IFT74: variants seen among roughly 807,000 people sequenced by gnomAD.
IFT74 encodes the protein intraflagellar transport protein 74 homolog.
IFT74 carries 92 observed loss-of-function variants against 96.7 expected under a neutral mutation model. The ratio of observed to expected loss-of-function variants is 0.95; its 90% CI spans 0.80 to 1.13. The LOEUF is 1.13. Ranked by LOEUF, IFT74 falls within the 50% of genes most tolerant of loss-of-function variation. The pLI is 0.00. For missense variants in IFT74, 811 were observed against 698.2 expected (o/e 1.16, Z -1.82); for synonymous variants, 223 against 213.2 (o/e 1.05, Z -0.40).
intron 2 of IFT74, among the ~76,000 whole-genome samples, chr9:26,964,876 TATAAG>T (rs1178272059): frequency 6.6e-6 from 1 of 152,190 alleles, no homozygotes; most frequent in African/African-American, 2.4e-5. Flanking sequence ...AAGAGCTTAA[TATAAG>T]AGAGTGTGTC....
At chr9:27,043,019 C>G (rs1481671430) in intron 13 of IFT74, among the ~76,000 whole-genome samples, 1 of 152,182 alleles carries the variant, frequency 6.6e-6, no homozygotes, top group East Asian at 1.9e-4. Flanking sequence ...CCTCTGGCCT[C>G]CTCTTCACAG....
intron 16 of IFT74, among the ~76,000 whole-genome samples, chr9:27,051,971 T>C (rs1564004259): frequency 6.6e-6 from 1 of 152,220 alleles, no homozygotes; most frequent in African/African-American, 2.4e-5. Context: ...AATAATTTTA[T>C]AGTTTTATTT....
chr9:27,033,832 T>C (rs1368046356), intron 13 of IFT74, among the ~76,000 whole-genome samples: 1 of 152,198 alleles, frequency 6.6e-6, no homozygotes, highest in Non-Finnish European at 1.5e-5. Context: ...GGTTTGCAAA[T>C]TTCTTCCCAG....
intron 12 of IFT74, among the ~76,000 whole-genome samples, chr9:27,024,556 C>T (rs1044894720): frequency 1.3e-5 from 2 of 152,002 alleles, no homozygotes; most frequent in Non-Finnish European, 2.9e-5. Flanking sequence ...CATAGTCTAC[C>T]CAAATGAGAA....
intron 8 of IFT74, among the ~76,000 whole-genome samples, 161 bp downstream of exon 8, chr9:26,990,356 T>A (rs565573771): frequency 2.2e-4 from 34 of 152,362 alleles, no homozygotes; most frequent in Non-Finnish European, 2.8e-4. Flanking sequence ...ATACTTGTTA[T>A]CTTCATTTAC....
chr9:26,996,602 A>G (rs1828172918), intron 8 of IFT74: 2 of 723,396 alleles, frequency 2.8e-6, no homozygotes, highest in Non-Finnish European at 2.0e-6. Flanking sequence ...GTCATTCTTA[A>G]AGGCATTATA....
At chr9:27,000,062 G>C (rs1828395276) in intron 8 of IFT74, among the ~76,000 whole-genome samples, 1 of 152,038 alleles carries the variant, frequency 6.6e-6, no homozygotes, top group South Asian at 2.1e-4. Context: ...TTATAGATAT[G>C]AGCCACTTAC....
intron 2 of IFT74, among the ~76,000 whole-genome samples, chr9:26,965,546 A>G (rs1826572219): frequency 6.6e-6 from 1 of 152,122 alleles, no homozygotes; most frequent in African/African-American, 2.4e-5. Context: ...CTTTTATTCC[A>G]GTAAAAATTG....
At chr9:26,973,538 T>G (rs1047054430) in intron 2 of IFT74, among the ~76,000 whole-genome samples, 2 of 152,184 alleles carry the variant, frequency 1.3e-5, no homozygotes, top group African/African-American at 4.8e-5. Flanking sequence ...TCCACAGTGG[T>G]GAGTAGATTT....
At chr9:26,986,823 G>GTGT (rs1563952286) in intron 6 of IFT74, among the ~76,000 whole-genome samples, 2 of 151,150 alleles carry the variant, frequency 1.3e-5, no homozygotes, top group South Asian at 2.1e-4. Context: ...GGGACTTGCT[G>GTGT]TGTTGCCCAC....
intron 8 of IFT74, among the ~76,000 whole-genome samples, chr9:26,991,975 G>A (rs1043674760): frequency 2.0e-5 from 3 of 151,986 alleles, no homozygotes; most frequent in Admixed American, 2.0e-4. Flanking sequence ...GTTGCAGTTA[G>A]CTGAGGTCGC....
intron 2 of IFT74, among the ~76,000 whole-genome samples, chr9:26,973,368 A>C: frequency 6.6e-6 from 1 of 152,082 alleles, no homozygotes; most frequent in Non-Finnish European, 1.5e-5. Flanking sequence ...TGAGACTCTC[A>C]ATTACAGGCT....
intron 4 of IFT74, among the ~76,000 whole-genome samples, chr9:26,981,710 G>A (rs766652560): frequency 6.6e-5 from 10 of 151,630 alleles, no homozygotes; most frequent in Middle Eastern, 3.2e-3. Context: ...ATGAGCCACC[G>A]CGCCCAACCC....
At chr9:27,039,031 A>G (rs1022442358) in intron 13 of IFT74, among the ~76,000 whole-genome samples, 1 of 152,224 alleles carries the variant, frequency 6.6e-6, no homozygotes, top group African/African-American at 2.4e-5. Flanking sequence ...ATGTCCTGTT[A>G]GAAGGTTCAA....
chr9:26,999,610 T>C lies in IFT74; in HGVS notation c.588-9410T>C, dbSNP rs573742706. 2.2e-5 allele frequency: 35 copies of C among 1,575,440 alleles called. No homozygotes were observed. In the South Asian group the frequency reaches 4.0e-4, roughly 18 times the overall value. ...TTTTTACTATTTTGATTGTAAAAAC[T>C]TACTCTTTTAGAAGACTGGATTTTG... On this transcript the variant is annotated intron_variant, in intron 8 of 19. Transcript: ENST00000380062.
intron 13 of IFT74, among the ~76,000 whole-genome samples, chr9:27,041,685 T>C (rs1429389154): frequency 2.0e-5 from 3 of 152,162 alleles, no homozygotes; most frequent in Non-Finnish European, 4.4e-5. Flanking sequence ...TCTCATCCTG[T>C]CCTGTGATAT....
rs915567845 is a variant in IFT74 at position 26,986,320 on chromosome 9, G to T, written c.465+1761G>T. Among the ~76,000 whole-genome samples, 436 of 149,204 alleles carry T rather than the reference G, an allele frequency of 2.9e-3. 5 individuals carry two copies. Among genetic ancestry groups the T allele is most frequent in the Admixed American group, 0.025 (369 of 14,960 alleles). On this transcript the variant is annotated intron_variant, in intron 6 of 19. Transcript: ENST00000380062. ...GGTGGGTTTTGTTTTTTGTTTTTTT[G>T]TTGTTTTTTTTTTTCAAGACAGTCT...
At chr9:27,011,825 T>G (rs1829092846) in intron 9 of IFT74, 81 bp from the exon 10 acceptor site, 3 of 784,624 alleles carry the variant, frequency 3.8e-6, no homozygotes, top group Non-Finnish European at 1.9e-6. Flanking sequence ...ATAAATTTTT[T>G]TTCCCAGCTC....
In IFT74 at chr9:26,997,736, A is replaced by G. The variant is rs1828241278; in HGVS notation, c.587+7541A>G. ...TAATTATGATAGCTTACCTAATGTCACATTTGATGTGTTCAACCAGTTCTG... is the reference window on the plus strand; with the variant it reads ...TAATTATGATAGCTTACCTAATGTCGCATTTGATGTGTTCAACCAGTTCTG... On this transcript the variant is annotated intron_variant, in intron 8 of 19. Coordinates refer to ENST00000380062, the MANE Select transcript of IFT74 (RefSeq NM_025103.4). The G allele has an allele frequency of 2.5e-6, 4 of 1,590,688 alleles. No individual in the cohort carries two copies. The African/African-American group carries it at 4.1e-5, about 16-fold the overall frequency.
Sources: gnomAD v4.1 joint callset for allele counts (sites outside exome capture counted in the v4.1 genomes callset) on GRCh38, gnomAD v4.1.1 for gene constraint, MANE v1.5 for transcripts, NCBI Gene and HGNC (gene_info 2026-07-23, HGNC 2026-07-21) for gene names.